The following SLC9C1 variants were observed in gnomAD, a reference collection of about 807,000 sequenced individuals.
SLC9C1 encodes the protein solute carrier family 9 member C1.
Under a neutral mutation model 140.9 loss-of-function variants are expected in SLC9C1, and 97 were observed. That is an observed-to-expected ratio of 0.69 (90% confidence interval 0.58 to 0.82). SLC9C1 has a LOEUF of 0.82. Among genes scored for constraint, SLC9C1 ranks in the 40% least tolerant of loss-of-function variants. The pLI is 0.00. For synonymous variants in SLC9C1, 440 were observed against 442.6 expected, an observed-to-expected ratio of 0.99 and a Z score of 0.07; for missense variants, 1,340 against 1,389.3, an observed-to-expected ratio of 0.96 and a Z score of 0.56.
chr3:112,200,708 T>C lies in SLC9C1; in HGVS notation c.2374+3A>G, dbSNP rs373561977. 25 of 1,608,150 alleles carry C rather than the reference T, an allele frequency of 1.6e-5. No homozygotes were observed. The South Asian group carries it at 2.8e-4, about 18-fold the overall frequency. ...CATGCTAAATAGGATGAGAGCTACT[T>C]ACCTAGCTCTTTTATAGCATGTTCC... is the stretch of plus-strand genomic sequence containing the variant. On this transcript the variant is annotated splice_donor_region_variant and intron_variant, in intron 19 of 28. Transcript: ENST00000305815.
intron 12 of SLC9C1, among the ~76,000 whole-genome samples, chr3:112,239,483 C>T (rs940961077): frequency 6.6e-6 from 1 of 152,240 alleles, no homozygotes. Context: ...GTCTGACAAG[C>T]CCCAGTGAGA....
intron 20 of SLC9C1, among the ~76,000 whole-genome samples, chr3:112,192,181 T>C (rs1197306544): frequency 6.6e-6 from 1 of 152,118 alleles, no homozygotes; most frequent in Non-Finnish European, 1.5e-5. Context: ...TACTGTTGCT[T>C]AACCATCACT....
chr3:112,245,361 T>G (rs2079252694), intron 10 of SLC9C1, among the ~76,000 whole-genome samples: 1 of 152,162 alleles, frequency 6.6e-6, no homozygotes, highest in African/African-American at 2.4e-5. Context: ...AGTTTTTGAT[T>G]TTATATTTAA....
At chr3:112,213,659 A>G (rs1576356581) in intron 15 of SLC9C1, among the ~76,000 whole-genome samples, 1 of 152,242 alleles carries the variant, frequency 6.6e-6, no homozygotes, top group African/African-American at 2.4e-5. Flanking sequence ...AGAGCTAGCT[A>G]TCCTAAATAT....
chr3:112,195,972 A>T (rs1202907426), intron 20 of SLC9C1, among the ~76,000 whole-genome samples: 1 of 152,090 alleles, frequency 6.6e-6, no homozygotes, highest in East Asian at 1.9e-4. Context: ...ATAATTCCCT[A>T]TGTATTTACC....
intron 15 of SLC9C1, among the ~76,000 whole-genome samples, chr3:112,216,552 G>C (rs1226258141): frequency 6.6e-6 from 1 of 151,226 alleles, no homozygotes; most frequent in Non-Finnish European, 1.5e-5. Context: ...CAAATGATAT[G>C]AACAGACACT....
Position 112,218,811 on chromosome 3 carries a change from T to C in SLC9C1, c.1671-1250A>G, listed in dbSNP as rs548605204. ...ATTGTGATATCTATGTGTGACACTT[T>C]GCAGCACAAATTACTGAGTAATTCA... On this transcript the variant is annotated intron_variant, in intron 14 of 28. Transcript: ENST00000305815. 5.3e-4 allele frequency among the ~76,000 whole-genome samples: 81 copies of C among 152,308 alleles called. No homozygotes were observed. In the Middle Eastern group the frequency reaches 0.037, roughly 70 times the overall value.
chr3:112,168,751 G>A, intron 25 of SLC9C1, 126 bp downstream of exon 25: 2 of 877,716 alleles, frequency 2.3e-6, no homozygotes, highest in Non-Finnish European at 3.4e-6. Flanking sequence ...TGTTTATGGA[G>A]TGGTGGGAAA....
At chr3:112,285,324 C>T (rs950897033) in intron 2 of SLC9C1, among the ~76,000 whole-genome samples, 40 of 152,084 alleles carry the variant, frequency 2.6e-4, no homozygotes, top group African/African-American at 8.5e-4. Context: ...CTGCAACCTT[C>T]GCCTCCCAGG....
At chr3:112,222,887 T>G (rs1048230584) in intron 13 of SLC9C1, among the ~76,000 whole-genome samples, 40 of 152,264 alleles carry the variant, frequency 2.6e-4, no homozygotes, top group African/African-American at 9.4e-4. Context: ...TCCTTTGTCT[T>G]CATATAAATG....
intron 28 of SLC9C1, chr3:112,147,448 C>T (rs78511788): frequency 0.025 from 7,884 of 311,088 alleles, 328 homozygotes; most frequent in South Asian, 0.1. Context: ...TTGTTTAGAA[C>T]TCTCTTAACA....
At chr3:112,151,793 T>C in intron 28 of SLC9C1, 64 bp downstream of exon 28, 3 of 1,328,668 alleles carry the variant, frequency 2.3e-6, no homozygotes, top group Admixed American at 2.0e-5. Context: ...TAACTTTGGC[T>C]TCAGTCTGTA....
intron 20 of SLC9C1, 24 bp from the exon 21 acceptor site, chr3:112,182,282 G>A: frequency 6.3e-7 from 1 of 1,586,528 alleles, no homozygotes. Context: ...TTTAAGAAAA[G>A]GGATGAACCA....
Position 112,274,551 on chromosome 3 carries a change from T to C in SLC9C1, c.613+346A>G, listed in dbSNP as rs77764109. 6.2e-3 allele frequency among the ~76,000 whole-genome samples: 946 copies of C among 152,222 alleles called. 29 individuals carry two copies. Among genetic ancestry groups the C allele is most frequent in the East Asian group, 0.053 (274 of 5,180 alleles). ...CAAAGGGAAGAGAAGCCGCCTCCTC[T>C]CACTACTAGTGGATGCACTATTTGG... is the stretch of plus-strand genomic sequence containing the variant. On this transcript the variant is annotated intron_variant, in intron 6 of 28. Transcript: ENST00000305815.
At chr3:112,217,782 A>G (rs1054314084) in intron 14 of SLC9C1, among the ~76,000 whole-genome samples, 19 of 152,172 alleles carry the variant, frequency 1.2e-4, no homozygotes, top group African/African-American at 4.6e-4. Flanking sequence ...TTGGAGATAC[A>G]TGGTTGAAAA....
In SLC9C1 at chr3:112,239,957, A is replaced by T. The variant is rs200147169; in HGVS notation, c.1329T>A (p.Phe443Leu). 13 of 1,613,650 alleles carry T rather than the reference A, an allele frequency of 8.1e-6. No homozygotes were observed. The highest frequency in any genetic ancestry group is 1.0e-5 in the Non-Finnish European group (12 of 1,179,878). Reference sequence around the variant, plus strand: ...ACTTGGTTAGCTCTTGAAAGTGTTGAAATGTGCAACAAACCGATTTATATT... The same window carrying T: ...ACTTGGTTAGCTCTTGAAAGTGTTGTAATGTGCAACAAACCGATTTATATT... ...STKYKSVCCTFQHFQELTKSA... is the reference protein window; with the variant it reads ...STKYKSVCCTLQHFQELTKSA... The change falls in exon 12 of 29, where the codon TTT (phenylalanine) becomes TTA (leucine). Residue 443 changes from phenylalanine to leucine, a missense_variant. Coordinates refer to ENST00000305815, the MANE Select transcript of SLC9C1 (RefSeq NM_183061.3).
Position 112,208,364 on chromosome 3 carries a change from A to C in SLC9C1, c.1800T>G (p.Phe600Leu). The C allele has an allele frequency of 6.5e-7, 1 of 1,546,730 alleles. No individual in the cohort carries two copies. Among genetic ancestry groups the C allele is most frequent in the Non-Finnish European group, 8.7e-7 (1 of 1,148,174 alleles). The change falls in exon 16 of 29, where the codon TTT becomes TTG. Residue 600 changes from phenylalanine to leucine, a missense_variant. Phe to Leu is a conservative substitution (Grantham distance 22). Coordinates refer to ENST00000305815, the MANE Select transcript of SLC9C1 (RefSeq NM_183061.3). ...KEKEGPSKYF[F>L]FRICHTIVFT... ...ATACTATTGTATGGCATATACGAAA[A>C]AAGAAGTATCTGTAAAACAAAAAGA...
At chr3:112,161,357 C>T (rs2075292880) in intron 26 of SLC9C1, among the ~76,000 whole-genome samples, 1 of 152,140 alleles carries the variant, frequency 6.6e-6, no homozygotes. Flanking sequence ...TGCCTATGTC[C>T]TGAATGGTAA....
At chr3:112,254,465 A>G (rs1345176514) in intron 10 of SLC9C1, among the ~76,000 whole-genome samples, 1 of 152,066 alleles carries the variant, frequency 6.6e-6, no homozygotes, top group Non-Finnish European at 1.5e-5. Context: ...TCGTCAACCA[A>G]TAATTTCATA....
Sources: allele counts gnomAD v4.1 joint callset (sites outside exome capture counted in the v4.1 genomes callset), GRCh38; gene constraint gnomAD v4.1.1; transcripts MANE v1.5; gene names NCBI Gene and HGNC (gene_info 2026-07-23, HGNC 2026-07-21).